The following ZNF532 variants were observed in gnomAD, a reference collection of about 807,000 sequenced individuals.
The protein encoded by ZNF532 is zinc finger protein 532.
In ZNF532, 22 loss-of-function variants were observed where a neutral mutation model predicts 89.3. The ratio of observed to expected loss-of-function variants is 0.25; its 90% CI spans 0.18 to 0.35. ZNF532 has a LOEUF of 0.35. Ranked by LOEUF, ZNF532 falls within the 10% of genes least tolerant of loss-of-function variation. The probability of loss-of-function intolerance (pLI) is 1.00; values close to 1 mark genes in which losing one functional copy is unlikely to be tolerated. For missense variants in ZNF532, 1,132 were observed against 1,643.4 expected (o/e 0.69, Z 5.38); for synonymous variants, 606 against 649.6 (o/e 0.93, Z 1.02).
chr18:58,975,328 T>C (rs1172481340), intron 7 of ZNF532, among the ~76,000 whole-genome samples: 2 of 151,998 alleles, frequency 1.3e-5, no homozygotes, highest in Non-Finnish European at 2.9e-5. Context: ...CTCGTGGAGG[T>C]AGGACTCCCA....
chr18:58,940,964 T>TACACACA (rs1568376885), intron 5 of ZNF532, among the ~76,000 whole-genome samples: 2 of 45,556 alleles, frequency 4.4e-5, no homozygotes, highest in African/African-American at 1.7e-4. Context: ...ACACACTCTT[T>TACACACA]CTCTCTCTCT....
chr18:58,885,809 G>T (rs62095471), intron 2 of ZNF532, among the ~76,000 whole-genome samples: 33,779 of 150,420 alleles, frequency 0.22, 4,365 homozygotes, highest in Middle Eastern at 0.42. Flanking sequence ...AGCCGAAATC[G>T]CATCATCGTA....
rs71336307 is a variant in ZNF532 at position 58,939,246 on chromosome 18, C to CAAAAAA, written c.2529-175_2529-170dup. Among the ~76,000 whole-genome samples the CAAAAAA allele has an allele frequency of 1.5e-3, 51 of 34,506 alleles. 1 individual carries two copies. Among genetic ancestry groups the CAAAAAA allele is most frequent in the East Asian group, 2.9e-3 (7 of 2,386 alleles). 22.6% of individuals were successfully genotyped at this position (34,506 alleles called of 152,430 possible). ...TGGGCGACAGAGCGAGACGTTGTCT[C>CAAAAAA]AAAAAAAAAAAAAAAAAAAAAAAAA... On this transcript the variant is annotated intron_variant, in intron 4 of 9. Transcript: ENST00000591808.
At chr18:58,906,442 CA>C (rs1329143978) in intron 2 of ZNF532, among the ~76,000 whole-genome samples, 2 of 151,894 alleles carry the variant, frequency 1.3e-5, no homozygotes, top group African/African-American at 4.8e-5. Flanking sequence ...TTTTTGGAGG[CA>C]GGGGGACATT....
chr18:58,880,762 A>ACG (rs1555704685), intron 2 of ZNF532, among the ~76,000 whole-genome samples: 17 of 93,508 alleles, frequency 1.8e-4, no homozygotes, highest in South Asian at 8.9e-4. Flanking sequence ...GCGCGCGCGC[A>ACG]CGCGCGCGCG....
chr18:58,863,629 CCGA>C (rs1205211930), upstream of ZNF532: 2 of 63,316 alleles, frequency 3.2e-5, no homozygotes, highest in Non-Finnish European at 6.7e-5. Flanking sequence ...CGCCGCCGCT[CCGA>C]CGACAGCAGC....
chr18:58,955,940 C>G, intron 7 of ZNF532, among the ~76,000 whole-genome samples: 1 of 152,142 alleles, frequency 6.6e-6, no homozygotes, highest in East Asian at 1.9e-4. Flanking sequence ...CTTGGCACCC[C>G]TACCAGATTG....
rs1187093336 is a variant in ZNF532, at chr18:58,888,769, T to G, written c.-18+23190T>G. 3.0e-5 allele frequency among the ~76,000 whole-genome samples: 2 copies of G among 65,866 alleles called. 1 individual carries two copies. The highest frequency in any genetic ancestry group is 1.7e-4 in the African/African-American group (2 of 11,662). 43.2% of individuals were successfully genotyped at this position (65,866 alleles called of 152,430 possible). On this transcript the variant is annotated intron_variant, in intron 2 of 9. Coordinates refer to ENST00000591808, the MANE Select transcript of ZNF532 (RefSeq NM_001375912.1). Reference sequence around the variant, plus strand: ...TATATATATATAAAATTAATATATATAATTTATATATATATAAAATATATA... The same window carrying G: ...TATATATATATAAAATTAATATATAGAATTTATATATATATAAAATATATA...
intron 2 of ZNF532, among the ~76,000 whole-genome samples, chr18:58,895,394 C>T (rs969607949): frequency 9.9e-5 from 15 of 152,182 alleles, no homozygotes; most frequent in African/African-American, 3.4e-4. Flanking sequence ...CCCTTCTTGG[C>T]GATTCAAAAT....
Position 58,948,054 on chromosome 18 carries a change from T to C in ZNF532, c.2706-13T>C. On this transcript the variant is annotated splice_polypyrimidine_tract_variant and intron_variant, in intron 5 of 9. Coordinates refer to ENST00000591808, the MANE Select transcript of ZNF532 (RefSeq NM_001375912.1). The stretch of plus-strand genomic sequence containing the variant: ...GCTGACTGACATGATCTCGCTGCAC[T>C]CTTCTATTTTAGAATAATATATAAG... 1 of 1,603,626 alleles carries C rather than the reference T, an allele frequency of 6.2e-7. No individual in the cohort carries two copies. The highest frequency in any genetic ancestry group is 8.5e-7 in the Non-Finnish European group (1 of 1,175,568).
At chr18:58,874,603 A>G (rs1233795191) in intron 2 of ZNF532, among the ~76,000 whole-genome samples, 1 of 152,152 alleles carries the variant, frequency 6.6e-6, no homozygotes, top group East Asian at 1.9e-4. Context: ...GGCCTCCTAC[A>G]GTGCTGGGAT....
chr18:58,897,013 T>C (rs1446847987), intron 2 of ZNF532, among the ~76,000 whole-genome samples: 4 of 152,260 alleles, frequency 2.6e-5, no homozygotes, highest in Non-Finnish European at 5.9e-5. Flanking sequence ...TTCTGGGGTC[T>C]AGTCTTAGGT....
chr18:58,939,154 C>A lies in ZNF532; in HGVS notation c.2529-291C>A, dbSNP rs543113437. Among the ~76,000 whole-genome samples, 3 of 140,384 alleles carry A rather than the reference C, an allele frequency of 2.1e-5. No individual in the cohort carries two copies. The South Asian group carries it at 6.7e-4, about 31-fold the overall frequency. The allele number at this position is 140,384 out of a possible 152,430, so 92.1% of individuals were successfully genotyped here. A position where few individuals can be genotyped will look rare whatever the true frequency, so the allele number is the denominator to read the frequency against. ...CCCAGCTACTTGGGAGGCTGAGGCA[C>A]GAGAATTGCTTGAACCTGGGAGGTG... On this transcript the variant is annotated intron_variant, in intron 4 of 9. Coordinates refer to ENST00000591808, the MANE Select transcript of ZNF532 (RefSeq NM_001375912.1).
At chr18:58,888,899 A>T (rs371139977) in intron 2 of ZNF532, among the ~76,000 whole-genome samples, 131 of 77,674 alleles carry the variant, frequency 1.7e-3, no homozygotes, top group Middle Eastern at 5.7e-3. Context: ...TTTTATATAT[A>T]TATATATATA....
intron 7 of ZNF532, 94 bp downstream of exon 7, chr18:58,953,893 A>G (rs1603285507): frequency 6.7e-7 from 1 of 1,503,714 alleles, no homozygotes; most frequent in Non-Finnish European, 8.9e-7. Context: ...TGGCTCTATC[A>G]GTAATTAGTG....
At chr18:58,947,238 C>T (rs2063742797) in intron 5 of ZNF532, among the ~76,000 whole-genome samples, 2 of 152,176 alleles carry the variant, frequency 1.3e-5, no homozygotes, top group African/African-American at 4.8e-5. Flanking sequence ...TGACCGAACA[C>T]ACATCCATTG....
At chr18:58,967,969 A>G (rs942852084) in intron 7 of ZNF532, among the ~76,000 whole-genome samples, 2 of 152,222 alleles carry the variant, frequency 1.3e-5, no homozygotes, top group Admixed American at 1.3e-4. Context: ...CATGAAGTAC[A>G]GCACATATGG....
At chr18:58,905,600 A>G (rs2059887629) in intron 2 of ZNF532, among the ~76,000 whole-genome samples, 1 of 152,076 alleles carries the variant, frequency 6.6e-6, no homozygotes, top group African/African-American at 2.4e-5. Context: ...GAGTTTTGCC[A>G]TGTTGTCCAG....
At chr18:58,866,568 A>G (rs914477957) in intron 2 of ZNF532, among the ~76,000 whole-genome samples, 1 of 152,252 alleles carries the variant, frequency 6.6e-6, no homozygotes, top group Admixed American at 6.5e-5. Flanking sequence ...AGGAGCCCAT[A>G]GAAGACATGA....
Sources: gnomAD v4.1 joint callset for allele counts (sites outside exome capture counted in the v4.1 genomes callset) on GRCh38, gnomAD v4.1.1 for gene constraint, MANE v1.5 for transcripts, NCBI Gene and HGNC (gene_info 2026-07-23, HGNC 2026-07-21) for gene names.